CDC14B: variants seen among roughly 807,000 people sequenced by gnomAD.
The protein encoded by CDC14B is dual specificity protein phosphatase CDC14B.
In CDC14B, 22 loss-of-function variants were observed where a neutral mutation model predicts 64.2. The observed-to-expected ratio is 0.34, with a 90% CI of 0.24 to 0.49. CDC14B has a LOEUF of 0.49. CDC14B is among the 20% of genes least tolerant of loss of function. CDC14B has a pLI of 0.99. For synonymous variants in CDC14B, 191 were observed against 215.8 expected (o/e 0.89, Z 1.01); for missense variants, 498 against 629.9 (o/e 0.79, Z 2.24).
chr9:96,497,298 AGGGGCGGG>A (rs1366271493), downstream of CDC14B, among the ~76,000 whole-genome samples: 26 of 103,922 alleles, frequency 2.5e-4, no homozygotes, highest in African/African-American at 8.9e-4. Context: ...GCGGGGAGGC[AGGGGCGGG>A]GAGGCAGAGG....
At chr9:96,508,712 G>A (rs901261033) in intron 13 of CDC14B, among the ~76,000 whole-genome samples, 1 of 152,160 alleles carries the variant, frequency 6.6e-6, no homozygotes, top group Non-Finnish European at 1.5e-5. Context: ...AGAGCTGAAT[G>A]AGTCTTCAAA....
chr9:96,606,263 G>A (rs1326351301), intron 1 of CDC14B, among the ~76,000 whole-genome samples: 2 of 143,796 alleles, frequency 1.4e-5, no homozygotes, highest in Admixed American at 7.2e-5. Flanking sequence ...AACCCAGGAG[G>A]CAGAGGCTGC....
Position 96,492,151 on chromosome 9 carries a change from G to A in CDC14B, c.*1182C>T, listed in dbSNP as rs762614603. On this transcript the variant is annotated 3_prime_UTR_variant and NMD_transcript_variant, in exon 14 of 14. Transcript: ENST00000474602. Reference sequence around the variant, plus strand: ...CCTGGGCACCACGTTTCTGGCTGGCGACTTAGACTCAAGCAGATTAACCCC... The same window carrying A: ...CCTGGGCACCACGTTTCTGGCTGGCAACTTAGACTCAAGCAGATTAACCCC... The A allele has an allele frequency of 4.6e-5, 7 of 152,442 alleles. No individual in the cohort carries two copies. In the East Asian group the frequency reaches 1.2e-3, roughly 25 times the overall value. The allele number at this position is 152,442 out of a possible 1,614,324, so 9.4% of individuals were successfully genotyped here. A position where few individuals can be genotyped will look rare whatever the true frequency, so the allele number is the denominator to read the frequency against.
Position 96,515,906 on chromosome 9 carries a change from C to G in CDC14B, c.1344-6117G>C. Reference sequence around the variant, plus strand: ...AATTTTAGACACCCTAAAAGCCCAGCCAACAGCAACAGGGATACAAAGGGG... The same window carrying G: ...AATTTTAGACACCCTAAAAGCCCAGGCAACAGCAACAGGGATACAAAGGGG... On this transcript the variant is annotated intron_variant, in intron 12 of 13. Transcript: ENST00000375241. The surrounding 1 kb of genome is among the most constrained non-coding windows in gnomAD (Gnocchi z 4.3). The G allele has an allele frequency of 1.1e-6, 1 of 891,724 alleles. No individual in the cohort carries two copies. Among genetic ancestry groups the G allele is most frequent in the Non-Finnish European group, 1.6e-6 (1 of 612,568 alleles). 55.2% of individuals were successfully genotyped at this position (891,724 alleles called of 1,614,324 possible).
At chr9:96,608,607 A>C (rs1357596721) in intron 1 of CDC14B, among the ~76,000 whole-genome samples, 5 of 152,166 alleles carry the variant, frequency 3.3e-5, no homozygotes, top group Non-Finnish European at 5.9e-5. Flanking sequence ...AATATTTAGC[A>C]ATCTTTATCT....
At chr9:96,545,392 AC>A (rs1250671078) in intron 5 of CDC14B, among the ~76,000 whole-genome samples, 1 of 143,334 alleles carries the variant, frequency 7.0e-6, no homozygotes, top group Non-Finnish European at 1.5e-5. Context: ...ATCTTGGCTC[AC>A]TGTAAGCTCC....
chr9:96,602,475 C>T (rs554468539), intron 1 of CDC14B, among the ~76,000 whole-genome samples: 2 of 152,286 alleles, frequency 1.3e-5, no homozygotes, highest in South Asian at 2.1e-4. Flanking sequence ...AGAGGTTTAA[C>T]AGACTCAGAG....
intron 5 of CDC14B, among the ~76,000 whole-genome samples, chr9:96,545,011 C>A (rs1305989966): frequency 6.6e-6 from 1 of 152,202 alleles, no homozygotes; most frequent in Non-Finnish European, 1.5e-5. Context: ...AATGCAAATT[C>A]TCAGGGCTAC....
At chr9:96,527,655 G>A (rs1056527040) in intron 9 of CDC14B, among the ~76,000 whole-genome samples, 2 of 149,690 alleles carry the variant, frequency 1.3e-5, no homozygotes, top group Admixed American at 6.7e-5. Context: ...TTGCTCTGTC[G>A]CCCAGGCCGG....
At chr9:96,519,465 G>A (rs1836301636) in intron 12 of CDC14B, among the ~76,000 whole-genome samples, 2 of 152,110 alleles carry the variant, frequency 1.3e-5, no homozygotes, top group African/African-American at 4.8e-5. Context: ...CCAGGCGCCG[G>A]TGGTTCATGC....
At chr9:96,595,516 C>T (rs944368988) in intron 1 of CDC14B, among the ~76,000 whole-genome samples, 38 of 152,226 alleles carry the variant, frequency 2.5e-4, no homozygotes, top group African/African-American at 8.9e-4. Flanking sequence ...AAAACTTGTA[C>T]GTGAATGTTC....
chr9:96,507,311 G>GAA (rs541475615), intron 13 of CDC14B, among the ~76,000 whole-genome samples: 11 of 52,022 alleles, frequency 2.1e-4, no homozygotes, highest in East Asian at 1.3e-3. Context: ...CATGTCAAAG[G>GAA]AAAAAAAAAA....
At chr9:96,540,914 T>C (rs527404042) in intron 6 of CDC14B, among the ~76,000 whole-genome samples, 1 of 152,302 alleles carries the variant, frequency 6.6e-6, no homozygotes, top group South Asian at 2.1e-4. Context: ...CCAAACAATG[T>C]GCCCATACCT....
chr9:96,537,185 G>C (rs1839393713), intron 7 of CDC14B, among the ~76,000 whole-genome samples: 1 of 152,174 alleles, frequency 6.6e-6, no homozygotes, highest in South Asian at 2.1e-4. Context: ...CCGTTACTGG[G>C]AGGCTGAGGT....
chr9:96,554,326 C>T (rs1259810801), intron 4 of CDC14B, among the ~76,000 whole-genome samples: 3 of 152,118 alleles, frequency 2.0e-5, no homozygotes, highest in South Asian at 2.1e-4. Context: ...ATTTCTAAGG[C>T]CTTCTCTCAA....
chr9:96,534,556 A>G lies in CDC14B; in HGVS notation c.628-14T>C. On this transcript the variant is annotated splice_polypyrimidine_tract_variant and intron_variant, in intron 7 of 13. Transcript: ENST00000375241. Reference sequence around the variant, plus strand: ...ATTTTCTGCTTTCTGCAAGGGGAAGACCAGCACAATTCGTTTTTAAATGTA... The same window carrying G: ...ATTTTCTGCTTTCTGCAAGGGGAAGGCCAGCACAATTCGTTTTTAAATGTA... 1 of 1,574,946 alleles carries G rather than the reference A, an allele frequency of 6.3e-7. No homozygotes were observed. The highest frequency in any genetic ancestry group is 8.7e-7 in the Non-Finnish European group (1 of 1,145,186).
At chr9:96,589,698 C>T (rs569278775) in intron 1 of CDC14B, among the ~76,000 whole-genome samples, 11 of 152,188 alleles carry the variant, frequency 7.2e-5, no homozygotes, top group African/African-American at 2.4e-4. Context: ...GTGGCTCACA[C>T]CTGTAATCAC....
intron 1 of CDC14B, among the ~76,000 whole-genome samples, chr9:96,597,183 C>T (rs1846138192): frequency 1.3e-5 from 2 of 152,066 alleles, no homozygotes; most frequent in South Asian, 4.1e-4. Context: ...TTTATTGTTG[C>T]TACCAATTCA....
At chr9:96,517,143 C>T (rs1052089062) in intron 12 of CDC14B, among the ~76,000 whole-genome samples, 24 of 149,476 alleles carry the variant, frequency 1.6e-4, no homozygotes, top group African/African-American at 5.4e-4. Flanking sequence ...AGTTCGAGAC[C>T]AGCCTGGCCA....
Sources: allele counts gnomAD v4.1 joint callset (sites outside exome capture counted in the v4.1 genomes callset), GRCh38; gene constraint gnomAD v4.1.1; non-coding constraint Gnocchi (gnomAD v3.1); transcripts MANE v1.5; gene names NCBI Gene and HGNC (gene_info 2026-07-23, HGNC 2026-07-21).